ARMCX4: variants seen among roughly 807,000 people sequenced by gnomAD.
ARMCX4 encodes the protein armadillo repeat-containing X-linked protein 4.
A neutral mutation model predicts 34.7 loss-of-function variants in ARMCX4; 3 were observed. The ratio of observed to expected loss-of-function variants is 0.09; its 90% CI spans 0.04 to 0.22. The LOEUF (loss-of-function observed/expected upper bound fraction) is 0.22. ARMCX4 is among the 10% of genes least tolerant of loss of function. The pLI, the probability that ARMCX4 is intolerant of heterozygous loss-of-function variation, is 1.00. For missense variants in ARMCX4, 1,448 were observed against 1,720.8 expected (o/e 0.84, Z 2.81); for synonymous variants, 513 against 632.8 (o/e 0.81, Z 2.84).
chrX:101,425,972 A>G (rs1929596989), intron 2 of ARMCX4, among the ~76,000 whole-genome samples: 2 of 110,380 alleles, frequency 1.8e-5, no homozygotes, highest in South Asian at 7.7e-4. Flanking sequence ...AGGTGCGCAC[A>G]CCACCACGCT....
chrX:101,498,194 T>C (rs782294893), downstream of ARMCX4: 2 of 330,403 alleles, frequency 6.1e-6, no homozygotes, highest in East Asian at 1.9e-4. Flanking sequence ...TGCTGAACTC[T>C]ATCTCTGGGC....
rs782116953 is a variant in ARMCX4 at position 101,494,147 on chromosome X, C to T, written c.5558C>T (p.Ser1853Phe). The part of the protein sequence containing the change: ...PGTESGAGIW[S>F]WDGDATTVES... ...ACTGAGTCTGGGGCTGGGATTTGGT[C>T]CTGGGATGGAGATGCAACCACTGTA... is the stretch of plus-strand genomic sequence containing the variant. The change falls in exon 6 of 6, where the codon TCC becomes TTC. Residue 1853 changes from serine (S) to phenylalanine (F), a missense_variant. Ser to Phe is a radical substitution (Grantham distance 155). This residue lies in a region of ARMCX4 where 1,343 missense variants were observed against 1,540.7 expected (regional missense o/e 0.87). Coordinates refer to ENST00000423738, the MANE Select transcript of ARMCX4 (RefSeq NM_001256155.3). The T allele has an allele frequency of 9.0e-6, 10 of 1,106,104 alleles. No homozygotes were observed. Among genetic ancestry groups the T allele is most frequent in the Non-Finnish European group, 1.2e-5 (10 of 845,174 alleles). The allele number at this position is 1,106,104 out of a possible 1,213,427, so 91.2% of individuals were successfully genotyped here.
downstream of ARMCX4, among the ~76,000 whole-genome samples, chrX:101,534,561 G>T (rs1935188587): frequency 9.1e-6 from 1 of 110,463 alleles, no homozygotes; most frequent in Admixed American, 9.7e-5. Context: ...AAAGAATAAA[G>T]AAATAGATAC....
intron 4 of ARMCX4, among the ~76,000 whole-genome samples, chrX:101,453,418 G>A (rs1262105540): frequency 8.9e-6 from 1 of 111,898 alleles, no homozygotes; most frequent in Admixed American, 9.5e-5. Context: ...ATCACCTGGG[G>A]TATGTGGTTA....
chrX:101,472,903 C>G (rs1206532019), intron 4 of ARMCX4, among the ~76,000 whole-genome samples: 1 of 100,579 alleles, frequency 9.9e-6, no homozygotes, highest in African/African-American at 3.8e-5. Flanking sequence ...CATCAACTAA[C>G]GAGCAAAATC....
chrX:101,421,754 C>G (rs1027480393), intron 2 of ARMCX4, among the ~76,000 whole-genome samples: 3 of 110,364 alleles, frequency 2.7e-5, no homozygotes, highest in Admixed American at 9.7e-5. Context: ...TTTATAATGG[C>G]ATTAATCCCA....
At chrX:101,441,758 G>A (rs140037054) in intron 2 of ARMCX4, among the ~76,000 whole-genome samples, 3 of 111,187 alleles carry the variant, frequency 2.7e-5, no homozygotes, top group African/African-American at 9.8e-5. Context: ...CAGAAAGTCT[G>A]CAGTCACAAT....
At chrX:101,498,026 C>T (rs905099823), downstream of ARMCX4, 17 of 257,057 alleles carry the variant, frequency 6.6e-5, no homozygotes, top group Non-Finnish European at 1.2e-4. Context: ...CAAGGTTACA[C>T]CCCCTACCTG....
downstream of ARMCX4, among the ~76,000 whole-genome samples, chrX:101,499,664 T>G (rs1479992061): frequency 1.8e-5 from 2 of 111,998 alleles, no homozygotes; most frequent in Non-Finnish European, 3.8e-5. Context: ...AATACCACAA[T>G]GCACTGCAGG....
At chrX:101,510,446 C>T (rs1268212111) in intron 10 of ARMCX4, among the ~76,000 whole-genome samples, 1 of 111,919 alleles carries the variant, frequency 8.9e-6, no homozygotes, top group Admixed American at 9.5e-5. Flanking sequence ...CAGTCTTCTG[C>T]CAGGGTCGGG....
intron 4 of ARMCX4, among the ~76,000 whole-genome samples, chrX:101,479,993 T>C (rs1033127696): frequency 1.8e-5 from 2 of 110,374 alleles, no homozygotes; most frequent in African/African-American, 6.6e-5. Context: ...ATATATATTA[T>C]CAGTGAAACA....
chrX:101,504,613 T>C (rs1934401305), intron 7 of ARMCX4, among the ~76,000 whole-genome samples: 2 of 111,174 alleles, frequency 1.8e-5, no homozygotes, highest in Admixed American at 1.9e-4. Flanking sequence ...GCTGGTCTTA[T>C]AGTCAGTTCT....
At chrX:101,525,649 A>G (rs1006988087) in intron 11 of ARMCX4, among the ~76,000 whole-genome samples, 1 of 111,370 alleles carries the variant, frequency 9.0e-6, no homozygotes, top group African/African-American at 3.3e-5. Context: ...GCTGAAAACC[A>G]TGTCACAAGA....
chrX:101,507,566 C>G (rs1405634930), intron 8 of ARMCX4, among the ~76,000 whole-genome samples: 1 of 111,019 alleles, frequency 9.0e-6, no homozygotes, highest in Non-Finnish European at 1.9e-5. Flanking sequence ...GTGGAATTTT[C>G]TTAGTCTCTT....
chrX:101,468,700 A>G (rs7059405), intron 4 of ARMCX4, among the ~76,000 whole-genome samples: 6,862 of 102,148 alleles, frequency 0.067, 229 homozygotes, highest in African/African-American at 0.14. Context: ...TGCAAGCTCC[A>G]CCTCCAGGGT....
chrX:101,515,372 T>C (rs1479384624), intron 11 of ARMCX4, among the ~76,000 whole-genome samples: 2 of 52,110 alleles, frequency 3.8e-5, no homozygotes, highest in Non-Finnish European at 7.4e-5. Flanking sequence ...TCTTTCTTTC[T>C]TTCTTTCTTT....
intron 2 of ARMCX4, among the ~76,000 whole-genome samples, chrX:101,427,437 G>A (rs1175335869): frequency 9.1e-6 from 1 of 110,239 alleles, no homozygotes; most frequent in Admixed American, 9.7e-5. Flanking sequence ...GAGTGCAATG[G>A]TGCAATCTTG....
intron 2 of ARMCX4, among the ~76,000 whole-genome samples, chrX:101,425,748 C>T (rs1353862352): frequency 1.8e-5 from 2 of 110,770 alleles, no homozygotes; most frequent in African/African-American, 6.6e-5. Context: ...AGCACTTTGG[C>T]TGTGAAGGGC....
intron 4 of ARMCX4, among the ~76,000 whole-genome samples, chrX:101,475,467 G>A (rs910533627): frequency 3.6e-5 from 4 of 111,276 alleles, no homozygotes; most frequent in African/African-American, 1.3e-4. Context: ...CTGGCAGTGG[G>A]CGGCGGGGAG....
Sources: allele counts gnomAD v4.1 joint callset (sites outside exome capture counted in the v4.1 genomes callset), GRCh38; gene constraint gnomAD v4.1.1; regional missense constraint gnomAD v4.1.1; transcripts MANE v1.5; gene names NCBI Gene and HGNC (gene_info 2026-07-23, HGNC 2026-07-21).